The following USH2A variants were observed in gnomAD, a reference collection of about 807,000 sequenced individuals.
USH2A encodes usherin, also known as Usher syndrome 2A (autosomal recessive, mild).
A neutral mutation model predicts 538.9 loss-of-function variants in USH2A; 443 were observed. That is an observed-to-expected ratio of 0.82 (90% CI 0.76 to 0.89). The LOEUF is 0.89. Ranked by LOEUF, USH2A falls within the 40% of genes least tolerant of loss-of-function variation. The pLI is 0.00. For synonymous variants in USH2A, 2,413 were observed against 2,273.5 expected, an observed-to-expected ratio of 1.06 and a Z score of -1.75; for missense variants, 6,633 against 6,324.8, an observed-to-expected ratio of 1.05 and a Z score of -1.65.
At chr1:216,216,788 T>C (rs2035350660) in intron 15 of USH2A, among the ~76,000 whole-genome samples, 1 of 152,042 alleles carries the variant, frequency 6.6e-6, no homozygotes, top group Admixed American at 6.6e-5. Context: ...TTTAAGGAAT[T>C]AAAAATATAA....
At chr1:215,819,406 T>C (rs1662947839) in intron 47 of USH2A, among the ~76,000 whole-genome samples, 1 of 151,204 alleles carries the variant, frequency 6.6e-6, no homozygotes, top group Non-Finnish European at 1.5e-5. Flanking sequence ...CATAGACTGC[T>C]AAAAAAAGAA....
chr1:215,750,442 C>G (rs1182254540), intron 58 of USH2A, among the ~76,000 whole-genome samples: 5 of 152,092 alleles, frequency 3.3e-5, no homozygotes. Context: ...GAAATAATTT[C>G]CACGTTAGTT....
At position 215,871,885 on chromosome 1, in the gene USH2A, A is replaced by C. The variant is rs373358484; in HGVS notation, c.8682-4715T>G. ...AGTGAAGACATTTGTCCAGGGCAAA[A>C]TATGTGAAGGCTTGTATCTTGGAAG... On this transcript the variant is annotated intron_variant, in intron 43 of 71. Coordinates refer to ENST00000307340, the MANE Select transcript of USH2A (RefSeq NM_206933.4). Among the ~76,000 whole-genome samples, 15 of 152,326 alleles carry C rather than the reference A, an allele frequency of 9.8e-5. No homozygotes were observed. The East Asian group carries it at 2.7e-3, about 27-fold the overall frequency.
intron 15 of USH2A, among the ~76,000 whole-genome samples, chr1:216,216,728 C>T (rs1331887499): frequency 6.6e-6 from 1 of 151,874 alleles, no homozygotes; most frequent in African/African-American, 2.4e-5. Flanking sequence ...ATTCAAGGTA[C>T]TGAAAAGCGA....
intron 3 of USH2A, among the ~76,000 whole-genome samples, chr1:216,400,575 G>A (rs144410433): frequency 0.013 from 1,952 of 152,180 alleles, 9 homozygotes; most frequent in Middle Eastern, 0.037. Flanking sequence ...ACAAACACAT[G>A]CAAGAAGCTG....
intron 37 of USH2A, among the ~76,000 whole-genome samples, chr1:215,949,917 A>G (rs1295953199): frequency 6.6e-6 from 1 of 152,186 alleles, no homozygotes; most frequent in East Asian, 1.9e-4. Context: ...AGACAAAAAA[A>G]GAAAGACAAA....
intron 20 of USH2A, among the ~76,000 whole-genome samples, chr1:216,184,768 C>T (rs1249217456): frequency 6.6e-6 from 1 of 151,946 alleles, no homozygotes; most frequent in African/African-American, 2.4e-5. Context: ...ACTCTGGCTC[C>T]TATTCACAAG....
chr1:216,064,509 T>TA (rs1011669959), intron 30 of USH2A, among the ~76,000 whole-genome samples: 2 of 152,130 alleles, frequency 1.3e-5, no homozygotes, highest in Admixed American at 6.5e-5. Flanking sequence ...TGTTTTTTTT[T>TA]TTTTAATTTT....
chr1:215,866,045 C>A (rs953907431), intron 44 of USH2A, among the ~76,000 whole-genome samples: 12 of 152,124 alleles, frequency 7.9e-5, no homozygotes, highest in Non-Finnish European at 4.4e-5. Context: ...TAGATGATTA[C>A]CCCAGTGAGC....
chr1:216,133,483 C>A (rs866166246), intron 21 of USH2A, among the ~76,000 whole-genome samples: 4 of 152,068 alleles, frequency 2.6e-5, no homozygotes, highest in African/African-American at 9.7e-5. Context: ...AGAGAAGCTG[C>A]ACTAAGCATT....
chr1:215,698,308 G>C (rs1237687631), intron 61 of USH2A, among the ~76,000 whole-genome samples: 1 of 152,154 alleles, frequency 6.6e-6, no homozygotes, highest in East Asian at 1.9e-4. Context: ...CTTTATACTA[G>C]AATGATTTAT....
At chr1:216,072,813 G>T in intron 29 of USH2A, 76 bp downstream of exon 29, 3 of 1,382,346 alleles carry the variant, frequency 2.2e-6, no homozygotes, top group Non-Finnish European at 3.1e-6. Context: ...CAGGGTAATA[G>T]TCCTTCCTTT....
At chr1:216,325,266 C>T in intron 6 of USH2A, 39 bp downstream of exon 6, 3 of 1,608,444 alleles carry the variant, frequency 1.9e-6, no homozygotes, top group Non-Finnish European at 2.5e-6. Context: ...GTTGCAATAA[C>T]CACAGGAAAT....
chr1:215,892,140 T>C (rs1305740079), intron 40 of USH2A, among the ~76,000 whole-genome samples: 1 of 152,190 alleles, frequency 6.6e-6, no homozygotes, highest in African/African-American at 2.4e-5. Flanking sequence ...AAAGGGTGTG[T>C]GCGCACACAC....
intron 29 of USH2A, among the ~76,000 whole-genome samples, chr1:216,070,768 C>T (rs994638300): frequency 2.1e-5 from 3 of 140,182 alleles, no homozygotes; most frequent in African/African-American, 2.7e-5. Context: ...ACCCATTTTC[C>T]AAATGCAATT....
At chr1:216,227,716 C>T (rs2035589737) in intron 14 of USH2A, among the ~76,000 whole-genome samples, 1 of 152,116 alleles carries the variant, frequency 6.6e-6, no homozygotes, top group East Asian at 1.9e-4. Flanking sequence ...ATATATCTGG[C>T]TTTATTTTGT....
intron 30 of USH2A, among the ~76,000 whole-genome samples, chr1:216,064,625 T>C (rs1486809369): frequency 1.3e-5 from 2 of 152,104 alleles, no homozygotes; most frequent in African/African-American, 2.4e-5. Flanking sequence ...AGACAACATA[T>C]AGGATGGTGG....
chr1:215,976,304 C>G (rs1368643986), intron 35 of USH2A, among the ~76,000 whole-genome samples: 1 of 152,068 alleles, frequency 6.6e-6, no homozygotes, highest in African/African-American at 2.4e-5. Flanking sequence ...TCTTTTATTT[C>G]TTTCTTGTGC....
chr1:216,305,201 G>A (rs1475309889), intron 9 of USH2A, among the ~76,000 whole-genome samples: 1 of 152,054 alleles, frequency 6.6e-6, no homozygotes, highest in Non-Finnish European at 1.5e-5. Flanking sequence ...GAGCTCTGGA[G>A]TTAGGTGCAT....
Sources: allele counts gnomAD v4.1 joint callset (sites outside exome capture counted in the v4.1 genomes callset), GRCh38; gene constraint gnomAD v4.1.1; transcripts MANE v1.5; gene names NCBI Gene and HGNC (gene_info 2026-07-23, HGNC 2026-07-21).